Variants in PKHD1 observed in about 807,000 individuals in gnomAD.
PKHD1 encodes fibrocystin.
In PKHD1, 291 loss-of-function variants were observed where a neutral mutation model predicts 412.0. That is an observed-to-expected ratio of 0.71 (90% confidence interval 0.64 to 0.78). The LOEUF is 0.78. PKHD1 is among the 30% of genes least tolerant of loss of function. The pLI is 0.00. For synonymous variants in PKHD1, 1,777 were observed against 1,821.5 expected, an observed-to-expected ratio of 0.98 and a Z score of 0.62; for missense variants, 4,825 against 4,950.7, an observed-to-expected ratio of 0.97 and a Z score of 0.76.
At chr6:51,815,093 A>G (rs766493273) in intron 52 of PKHD1, among the ~76,000 whole-genome samples, 1 of 152,202 alleles carries the variant, frequency 6.6e-6, no homozygotes, top group Non-Finnish European at 1.5e-5. Context: ...TATGACAGTG[A>G]CACAGTGACA....
At chr6:51,821,814 G>A (rs1766473975) in intron 52 of PKHD1, among the ~76,000 whole-genome samples, 1 of 152,098 alleles carries the variant, frequency 6.6e-6, no homozygotes, top group African/African-American at 2.4e-5. Context: ...AGCCTCCCAA[G>A]TAGCTGGGAT....
chr6:51,660,618 G>T (rs1315323366), intron 60 of PKHD1, among the ~76,000 whole-genome samples: 1 of 152,100 alleles, frequency 6.6e-6, no homozygotes, highest in Non-Finnish European at 1.5e-5. Context: ...CGCTAGAGAG[G>T]CTTACAAAAC....
intron 60 of PKHD1, among the ~76,000 whole-genome samples, chr6:51,737,526 C>A (rs537545378): frequency 6.6e-6 from 1 of 152,174 alleles, no homozygotes; most frequent in African/African-American, 2.4e-5. Context: ...TGTTCATAAG[C>A]AAGTATGTTT....
At chr6:51,909,728 C>A (rs901421983) in intron 39 of PKHD1, among the ~76,000 whole-genome samples, 4 of 152,068 alleles carry the variant, frequency 2.6e-5, no homozygotes, top group African/African-American at 9.7e-5. Flanking sequence ...ATTACTGTCA[C>A]AAAGAGTCAG....
chr6:51,903,638 G>T lies in PKHD1; in HGVS notation c.6955C>A (p.Pro2319Thr). The T allele has an allele frequency of 6.2e-7, 1 of 1,611,344 alleles. No homozygotes were observed. ...EGLSNPEMLT[P>T]SGIYICSPTN... Reference sequence around the variant, plus strand: ...GGACTGCAGATATAGATGCCAGATGGTGTCAACATTTCAGGATTGGAGAGT... The same window carrying T: ...GGACTGCAGATATAGATGCCAGATGTTGTCAACATTTCAGGATTGGAGAGT... Residue 2319 changes from proline (P) to threonine (T), a missense_variant, in exon 43 of 67, where the codon CCA becomes ACA. Physicochemically the swap from Pro to Thr is conservative, Grantham distance 38. Transcript: ENST00000371117.
chr6:51,663,892 T>C (rs563843899), intron 60 of PKHD1, among the ~76,000 whole-genome samples: 6 of 152,180 alleles, frequency 3.9e-5, no homozygotes, highest in Non-Finnish European at 8.8e-5. Context: ...CTTCTGCTAT[T>C]GTATCTCATA....
chr6:51,750,877 A>T (rs1786006928), intron 57 of PKHD1, among the ~76,000 whole-genome samples: 1 of 152,090 alleles, frequency 6.6e-6, no homozygotes, highest in Non-Finnish European at 1.5e-5. Context: ...CCAGGGTGCA[A>T]GTGATCCTAC....
intron 37 of PKHD1, among the ~76,000 whole-genome samples, chr6:51,915,546 G>C (rs201921097): frequency 6.6e-6 from 1 of 152,036 alleles, no homozygotes; most frequent in East Asian, 1.9e-4. Context: ...AAATGAGACA[G>C]AGAAACAAGC....
intron 36 of PKHD1, among the ~76,000 whole-genome samples, chr6:51,944,229 T>G (rs528838387): frequency 1.3e-3 from 196 of 152,022 alleles, no homozygotes; most frequent in African/African-American, 4.5e-3. Flanking sequence ...CACTGAGCAC[T>G]TTGTGACCCC....
At chr6:52,005,125 A>G (rs1798889297) in intron 35 of PKHD1, among the ~76,000 whole-genome samples, 1 of 152,160 alleles carries the variant, frequency 6.6e-6, no homozygotes, top group South Asian at 2.1e-4. Flanking sequence ...CCTGAACTCA[A>G]TCTCAGACAG....
At position 52,017,430 on chromosome 6, in the gene PKHD1, T is replaced by C. The variant is rs2128130037; in HGVS notation, c.5580A>G (p.Ser1860=). Residue 1860 remains serine, a synonymous_variant, in exon 34 of 67, where the codon TCA becomes TCG. Coordinates refer to ENST00000371117, the MANE Select transcript of PKHD1 (RefSeq NM_138694.4). ...PDHWAESMFP[S]FSGLFISPKL... ...GTTACCTGATAAAGAGGCCCGAGAA[T>C]GATGGAAACATTGACTCTGCCCAAT... 6.2e-7 allele frequency: 1 copy of C among 1,613,158 alleles called. No individual in the cohort carries two copies. Among genetic ancestry groups the C allele is most frequent in the Non-Finnish European group, 8.5e-7 (1 of 1,179,082 alleles).
intron 36 of PKHD1, among the ~76,000 whole-genome samples, chr6:51,945,030 A>G (rs934071695): frequency 1.3e-5 from 2 of 152,222 alleles, no homozygotes; most frequent in African/African-American, 2.4e-5. Context: ...TTCCCTAACA[A>G]TTTTGACTTT....
intron 37 of PKHD1, among the ~76,000 whole-genome samples, chr6:51,918,353 C>T (rs114883863): frequency 0.01 from 1,529 of 152,166 alleles, 30 homozygotes; most frequent in African/African-American, 0.034. Context: ...CCCCTTGCCC[C>T]CCACCCACTA....
chr6:51,836,555 T>C (rs1769266554), intron 50 of PKHD1, 86 bp from the exon 51 acceptor site: 2 of 966,588 alleles, frequency 2.1e-6, no homozygotes, highest in East Asian at 4.8e-5. Context: ...GAAGAATTTA[T>C]GCTAAATTCT....
intron 35 of PKHD1, among the ~76,000 whole-genome samples, chr6:51,992,842 C>T (rs1210032504): frequency 1.3e-5 from 2 of 152,230 alleles, no homozygotes; most frequent in Non-Finnish European, 2.9e-5. Flanking sequence ...CTTCTTTCTG[C>T]TCCATTCCAG....
At chr6:51,832,259 A>C (rs1768383105) in intron 51 of PKHD1, among the ~76,000 whole-genome samples, 1 of 152,076 alleles carries the variant, frequency 6.6e-6, no homozygotes. Flanking sequence ...TTCCCGAGGG[A>C]AGTAGTAACT....
intron 27 of PKHD1, 62 bp downstream of exon 27, chr6:52,042,797 C>T (rs1805126953): frequency 6.9e-7 from 1 of 1,447,308 alleles, no homozygotes; most frequent in Middle Eastern, 1.8e-4. Context: ...GGACTAGATT[C>T]CTATCAGCAA....
At chr6:51,644,607 A>G (rs973738158) in intron 63 of PKHD1, among the ~76,000 whole-genome samples, 10 of 152,328 alleles carry the variant, frequency 6.6e-5, no homozygotes, top group African/African-American at 2.4e-4. Context: ...TAAGCCTGAA[A>G]AAAACATTTT....
intron 7 of PKHD1, among the ~76,000 whole-genome samples, chr6:52,072,406 A>G (rs900149309): frequency 2.0e-5 from 3 of 152,172 alleles, no homozygotes; most frequent in African/African-American, 7.2e-5. Flanking sequence ...AACAGAAAAT[A>G]GTTCTCCCTT....
Sources: allele counts gnomAD v4.1 joint callset (sites outside exome capture counted in the v4.1 genomes callset), GRCh38; gene constraint gnomAD v4.1.1; transcripts MANE v1.5; gene names NCBI Gene and HGNC (gene_info 2026-07-23, HGNC 2026-07-21).